The following DCC variants were observed in gnomAD, a reference collection of about 807,000 sequenced individuals.
DCC encodes the protein DCC netrin 1 receptor.
In DCC, 58 loss-of-function variants were observed where a neutral mutation model predicts 172.5. The ratio of observed to expected loss-of-function variants is 0.34; its 90% CI spans 0.27 to 0.42. The LOEUF is 0.42. DCC is among the 10% of genes least tolerant of loss of function. DCC has a pLI of 1.00. For synonymous variants in DCC, 709 were observed against 644.5 expected, an observed-to-expected ratio of 1.10 and a Z score of -1.52; for missense variants, 1,740 against 1,791.0, an observed-to-expected ratio of 0.97 and a Z score of 0.51.
chr18:53,021,553 C>T (rs200735362), intron 5 of DCC, among the ~76,000 whole-genome samples: 6 of 151,202 alleles, frequency 4.0e-5, no homozygotes, highest in Admixed American at 3.3e-4. Flanking sequence ...TATAAACTTA[C>T]GTGTGTGTGT....
At chr18:53,439,095 T>A (rs563748522) in intron 22 of DCC, among the ~76,000 whole-genome samples, 1 of 152,220 alleles carries the variant, frequency 6.6e-6, no homozygotes, top group East Asian at 1.9e-4. Flanking sequence ...TAAGGTGAAC[T>A]GATAACTTCA....
intron 2 of DCC, among the ~76,000 whole-genome samples, chr18:52,861,579 A>ATTG (rs1326315749): frequency 1.3e-5 from 2 of 152,236 alleles, no homozygotes; most frequent in Non-Finnish European, 2.9e-5. Flanking sequence ...AGAGCACCCA[A>ATTG]TTGTTGTAAG....
chr18:52,870,024 G>A lies in DCC; in HGVS notation c.413-36020G>A, dbSNP rs766513300. ...GTCCTCACTGGGCCCCTTTCTGTCC[G>A]CTCCTCCAAGCCCGACCACACTGTT... On this transcript the variant is annotated intron_variant, in intron 2 of 28. Coordinates refer to ENST00000442544, the MANE Select transcript of DCC (RefSeq NM_005215.4). Among the ~76,000 whole-genome samples, 51 of 151,916 alleles carry A rather than the reference G, an allele frequency of 3.4e-4. 1 individual carries two copies. The highest frequency in any genetic ancestry group is 5.0e-4 in the Non-Finnish European group (34 of 67,958).
intron 1 of DCC, among the ~76,000 whole-genome samples, chr18:52,639,737 A>G (rs2034853337): frequency 6.6e-6 from 1 of 152,120 alleles, no homozygotes; most frequent in Non-Finnish European, 1.5e-5. Flanking sequence ...TTACCATGAA[A>G]AAAAAGTTCA....
At chr18:53,336,045 G>A (rs1422740718) in intron 14 of DCC, among the ~76,000 whole-genome samples, 1 of 152,086 alleles carries the variant, frequency 6.6e-6, no homozygotes, top group Non-Finnish European at 1.5e-5. Flanking sequence ...GATGAGATTT[G>A]GGTGGGAACA....
chr18:52,462,237 C>T (rs1046826668), intron 1 of DCC, among the ~76,000 whole-genome samples: 12 of 152,170 alleles, frequency 7.9e-5, no homozygotes, highest in African/African-American at 2.4e-4. Flanking sequence ...ACATCATACA[C>T]AGCAGAACAG....
intron 1 of DCC, among the ~76,000 whole-genome samples, chr18:52,360,033 ATTG>A (rs942397029): frequency 6.6e-6 from 1 of 152,094 alleles, no homozygotes; most frequent in African/African-American, 2.4e-5. Context: ...CTATTACACT[ATTG>A]TTGTTATTTT....
intron 1 of DCC, among the ~76,000 whole-genome samples, chr18:52,370,161 CAG>C (rs1985054436): frequency 6.6e-6 from 1 of 152,126 alleles, no homozygotes; most frequent in Non-Finnish European, 1.5e-5. Context: ...TTGTGGAAGA[CAG>C]TGTGGCGATT....
rs574607254 is a variant in DCC at position 53,100,267 on chromosome 18, C to G, written c.1261+34101C>G. ...CAGCCACTTAGGAGACTTTCCATTT[C>G]CCTTATACCCTTAGCATGAAATGAG... On this transcript the variant is annotated intron_variant, in intron 7 of 28. Coordinates refer to ENST00000442544, the MANE Select transcript of DCC (RefSeq NM_005215.4). Among the ~76,000 whole-genome samples the G allele has an allele frequency of 9.2e-4, 140 of 152,080 alleles. 1 individual carries two copies. The highest frequency in any genetic ancestry group is 3.2e-3 in the African/African-American group (134 of 41,494).
intron 1 of DCC, among the ~76,000 whole-genome samples, chr18:52,642,014 GTATATATATATA>G (rs1193018662): frequency 0.01 from 350 of 34,516 alleles, 7 homozygotes; most frequent in East Asian, 0.031. Context: ...GTGTGTGTGT[GTATATATATATA>G]TATATATATA....
At chr18:53,045,540 A>G (rs2042226705) in intron 5 of DCC, among the ~76,000 whole-genome samples, 1 of 151,804 alleles carries the variant, frequency 6.6e-6, no homozygotes, top group African/African-American at 2.4e-5. Flanking sequence ...ACATACAGGC[A>G]CACACACACA....
intron 25 of DCC, among the ~76,000 whole-genome samples, 181 bp downstream of exon 25, chr18:53,468,191 G>A (rs1242018766): frequency 6.6e-6 from 1 of 151,816 alleles, no homozygotes; most frequent in African/African-American, 2.4e-5. Flanking sequence ...ATTCGTTACT[G>A]TATTTTTTTG....
chr18:52,823,555 C>A (rs1280121185), intron 2 of DCC, among the ~76,000 whole-genome samples: 4 of 149,008 alleles, frequency 2.7e-5, no homozygotes, highest in Non-Finnish European at 6.0e-5. Flanking sequence ...TGTCTTGAGG[C>A]TACCTGCTAT....
chr18:52,750,336 G>T (rs1270701886), intron 1 of DCC, among the ~76,000 whole-genome samples: 1 of 152,156 alleles, frequency 6.6e-6, no homozygotes, highest in African/African-American at 2.4e-5. Context: ...CCCACTAGAA[G>T]AACAGGATGT....
chr18:52,636,870 C>T (rs959239939), intron 1 of DCC, among the ~76,000 whole-genome samples: 5 of 152,172 alleles, frequency 3.3e-5, no homozygotes, highest in African/African-American at 1.2e-4. Context: ...CCAACCAACA[C>T]AAAAATAGAG....
chr18:52,862,395 A>AG, intron 2 of DCC, among the ~76,000 whole-genome samples: 1 of 152,128 alleles, frequency 6.6e-6, no homozygotes, highest in East Asian at 1.9e-4. Flanking sequence ...CATTTAGCTA[A>AG]AGTGATAATT....
intron 26 of DCC, among the ~76,000 whole-genome samples, chr18:53,494,991 G>A (rs1482650203): frequency 6.6e-6 from 1 of 152,140 alleles, no homozygotes; most frequent in Non-Finnish European, 1.5e-5. Context: ...TTGTAAGGCA[G>A]GCCTGGTGGT....
intron 8 of DCC, among the ~76,000 whole-genome samples, chr18:53,168,493 C>T (rs2054959957): frequency 7.0e-6 from 1 of 143,784 alleles, no homozygotes; most frequent in South Asian, 2.2e-4. Context: ...CATGTTCTTA[C>T]TTACAACTGG....
intron 1 of DCC, among the ~76,000 whole-genome samples, chr18:52,422,890 C>T (rs146417401): frequency 6.6e-6 from 1 of 152,160 alleles, no homozygotes; most frequent in African/African-American, 2.4e-5. Context: ...AGTCTGTCTT[C>T]CAGTGCTTCT....
Sources: gnomAD v4.1 joint callset for allele counts (sites outside exome capture counted in the v4.1 genomes callset) on GRCh38, gnomAD v4.1.1 for gene constraint, MANE v1.5 for transcripts, NCBI Gene and HGNC (gene_info 2026-07-23, HGNC 2026-07-21) for gene names.